Variants in LMNTD1 observed in about 807,000 individuals in gnomAD.
LMNTD1 encodes the protein lamin tail domain containing 1.
LMNTD1 carries 35 observed loss-of-function variants against 50.9 expected under a neutral mutation model. That is an observed-to-expected ratio of 0.69 (90% CI 0.53 to 0.91). The LOEUF (loss-of-function observed/expected upper bound fraction) is 0.91. Among genes scored for constraint, LMNTD1 ranks in the 40% least tolerant of loss-of-function variants. LMNTD1 has a pLI of 0.00. For synonymous variants in LMNTD1, 153 were observed against 161.9 expected (o/e 0.94, Z 0.42); for missense variants, 470 against 475.5 (o/e 0.99, Z 0.11).
chr12:25,526,167 A>G lies in LMNTD1; in HGVS notation c.730T>C (p.Trp244Arg), dbSNP rs765210431. The G allele has an allele frequency of 6.2e-7, 1 of 1,611,536 alleles. No individual in the cohort carries two copies. The highest frequency in any genetic ancestry group is 8.5e-7 in the Non-Finnish European group (1 of 1,178,538). ...GCTCTAAACTTGTCTTGTTCCTTCCAAAGAAAATCTGATGGAGGTTGATGC... is the reference window on the plus strand; with the variant it reads ...GCTCTAAACTTGTCTTGTTCCTTCCGAAGAAAATCTGATGGAGGTTGATGC... ...AKHQPPSDFL[W>R]KEQDKFRASP... The change falls in exon 6 of 10, where the codon TGG (tryptophan) becomes CGG (arginine). Residue 244 changes from tryptophan (W) to arginine (R), a missense_variant. Coordinates refer to ENST00000458174, the MANE Select transcript of LMNTD1 (RefSeq NM_001145728.2).
rs1446072065 is a variant in LMNTD1, at chr12:25,519,863, A to G, written c.1011T>C (p.Leu337=). ...ACAAACCAAACAACCCTTACCTCTT[A>G]AGAAGAACTTGAGCTTGTTCCACCT... ...NYQVEQAQVL[L]KREKEIPPTV... The change falls in exon 7 of 10, where the codon CTT becomes CTC. Residue 337 remains leucine, a synonymous_variant. Transcript: ENST00000458174. 6.2e-7 allele frequency: 1 copy of G among 1,607,170 alleles called. No homozygotes were observed. The highest frequency in any genetic ancestry group is 8.5e-7 in the Non-Finnish European group (1 of 1,175,988).
Position 25,627,835 on chromosome 12 carries a change from C to T in LMNTD1, c.58+20659G>A, listed in dbSNP as rs186392884. ...TTTAAAAGGCAAAGGATGGGCCGGG[C>T]GCGGTGGCTCACGCCTGTAATCCCA... On this transcript the variant is annotated intron_variant, in intron 1 of 7. Transcript: ENST00000445693. Among the ~76,000 whole-genome samples the T allele has an allele frequency of 2.9e-3, 445 of 152,136 alleles. 6 individuals carry two copies. Among genetic ancestry groups the T allele is most frequent in the East Asian group, 0.013 (65 of 5,170 alleles).
intron 4 of LMNTD1, among the ~76,000 whole-genome samples, chr12:25,541,717 A>C (rs528939323): frequency 5.8e-5 from 8 of 137,106 alleles, no homozygotes; most frequent in Admixed American, 4.6e-4. Context: ...CAAAATTGAC[A>C]AATGGGATCT....
chr12:25,598,706 G>A (rs571710099), intron 1 of LMNTD1, among the ~76,000 whole-genome samples: 1 of 151,536 alleles, frequency 6.6e-6, no homozygotes, highest in African/African-American at 2.4e-5. Flanking sequence ...AAAATCATGA[G>A]TAACTACTAT....
intron 1 of LMNTD1, among the ~76,000 whole-genome samples, chr12:25,595,759 A>C (rs1945830830): frequency 1.3e-5 from 2 of 151,934 alleles, no homozygotes; most frequent in South Asian, 4.2e-4. Flanking sequence ...GTGAAACAGC[A>C]ACAGCAACAA....
intron 1 of LMNTD1, among the ~76,000 whole-genome samples, chr12:25,612,074 T>C (rs1181189261): frequency 6.6e-6 from 1 of 152,188 alleles, no homozygotes; most frequent in Non-Finnish European, 1.5e-5. Context: ...ATTGTACCTA[T>C]TCAAAGGTTT....
intron 6 of LMNTD1, among the ~76,000 whole-genome samples, chr12:25,522,987 C>T (rs796423027): frequency 1.6e-4 from 24 of 152,218 alleles, no homozygotes; most frequent in African/African-American, 5.5e-4. Context: ...AAAAAGTAGT[C>T]TAAGACATAC....
intron 8 of LMNTD1, among the ~76,000 whole-genome samples, chr12:25,509,987 T>C (rs1004576961): frequency 1.9e-4 from 29 of 152,248 alleles, no homozygotes; most frequent in African/African-American, 6.5e-4. Flanking sequence ...GACATCAAGT[T>C]TGTGGTGCTT....
chr12:25,594,490 C>A (rs1705432), intron 1 of LMNTD1, among the ~76,000 whole-genome samples: 1 of 151,950 alleles, frequency 6.6e-6, no homozygotes, highest in African/African-American at 2.4e-5. Context: ...GAAACATAGT[C>A]TTTTTCAGAC....
In LMNTD1 at chr12:25,619,252, CTA is replaced by C. The variant is rs71450756; in HGVS notation, c.58+29240_58+29241del. 5.8e-3 allele frequency among the ~76,000 whole-genome samples: 490 copies of C among 84,306 alleles called. 3 individuals carry two copies. Among genetic ancestry groups the C allele is most frequent in the East Asian group, 0.016 (37 of 2,382 alleles). The allele number at this position is 84,306 out of a possible 152,430, so 55.3% of individuals were successfully genotyped here. A position where few individuals can be genotyped will look rare whatever the true frequency, so the allele number is the denominator to read the frequency against. ...TCTCTCTCTCTCTCTCTCTCTCTCT[CTA>C]TATATATATATATATATATATATAT... On this transcript the variant is annotated intron_variant, in intron 1 of 7. Transcript: ENST00000445693.
intron 1 of LMNTD1, among the ~76,000 whole-genome samples, chr12:25,601,867 T>C (rs1006650864): frequency 6.6e-6 from 1 of 151,956 alleles, no homozygotes; most frequent in South Asian, 2.1e-4. Context: ...GTATGTGTAA[T>C]GATTACATCA....
At chr12:25,492,875 C>T (rs1431965143) in intron 9 of LMNTD1, among the ~76,000 whole-genome samples, 8 of 152,176 alleles carry the variant, frequency 5.3e-5, no homozygotes, top group Non-Finnish European at 1.2e-4. Context: ...ACAAAGCTCA[C>T]AATCTACTTT....
At chr12:25,477,631 A>G (rs1938312940) in intron 9 of LMNTD1, among the ~76,000 whole-genome samples, 1 of 152,158 alleles carries the variant, frequency 6.6e-6, no homozygotes, top group Non-Finnish European at 1.5e-5. Flanking sequence ...ATGGAAGAAC[A>G]AAGATTTGTT....
chr12:25,612,649 T>C (rs1035252047), intron 1 of LMNTD1, among the ~76,000 whole-genome samples: 4 of 152,112 alleles, frequency 2.6e-5, no homozygotes, highest in African/African-American at 9.7e-5. Context: ...GAAGCTCTGA[T>C]GAACTGATCT....
chr12:25,519,585 C>T (rs61924657), intron 7 of LMNTD1, among the ~76,000 whole-genome samples: 64,401 of 98,654 alleles, frequency 0.65, 20,443 homozygotes, highest in Non-Finnish European at 0.74. Flanking sequence ...GAGACTCTGT[C>T]TCAAAAAAAA....
intron 1 of LMNTD1, among the ~76,000 whole-genome samples, chr12:25,567,609 C>T (rs1167516830): frequency 6.6e-6 from 1 of 152,092 alleles, no homozygotes; most frequent in Non-Finnish European, 1.5e-5. Flanking sequence ...TTAGCAGCAT[C>T]CCCTTGGTGA....
At chr12:25,522,276 T>C (rs2136056239) in intron 6 of LMNTD1, among the ~76,000 whole-genome samples, 1 of 152,308 alleles carries the variant, frequency 6.6e-6, no homozygotes, top group South Asian at 2.1e-4. Context: ...TGAAAATATG[T>C]TCATGATCTT....
In LMNTD1 at chr12:25,594,555, TA is replaced by T. The variant is rs988145624; in HGVS notation, c.59-48002del. ...CAAGCTGAAACTACAAGAACTGACTTAAAAAAATCTCTAAATCTTGAAACAA... is the reference window on the plus strand; with the variant it reads ...CAAGCTGAAACTACAAGAACTGACTTAAAAAATCTCTAAATCTTGAAACAA... On this transcript the variant is annotated intron_variant, in intron 1 of 7. Transcript: ENST00000445693. Among the ~76,000 whole-genome samples the T allele has an allele frequency of 8.4e-5, 12 of 143,014 alleles. No individual in the cohort carries two copies. The Admixed American group carries it at 8.9e-4, about 11-fold the overall frequency. 93.8% of individuals were successfully genotyped at this position (143,014 alleles called of 152,430 possible). A position where few individuals can be genotyped will look rare whatever the true frequency, so the allele number is the denominator to read the frequency against.
chr12:25,492,881 A>G (rs1368741119), intron 9 of LMNTD1, among the ~76,000 whole-genome samples: 1 of 152,146 alleles, frequency 6.6e-6, no homozygotes, highest in Non-Finnish European at 1.5e-5. Flanking sequence ...CTCACAATCT[A>G]CTTTTCTGGA....
Sources: gnomAD v4.1 joint callset for allele counts (sites outside exome capture counted in the v4.1 genomes callset) on GRCh38, gnomAD v4.1.1 for gene constraint, MANE v1.5 for transcripts, NCBI Gene and HGNC (gene_info 2026-07-23, HGNC 2026-07-21) for gene names.